HNF4G: variants seen among roughly 807,000 people sequenced by gnomAD.
The protein encoded by HNF4G is hepatocyte nuclear factor 4-gamma.
Under a neutral mutation model 50.9 loss-of-function variants are expected in HNF4G, and 21 were observed. The observed-to-expected ratio is 0.41, with a 90% confidence interval of 0.29 to 0.59. The LOEUF (loss-of-function observed/expected upper bound fraction) is 0.59. HNF4G is among the 20% of genes least tolerant of loss of function. The pLI is 0.26. For synonymous variants in HNF4G, 198 were observed against 185.6 expected (o/e 1.07, Z -0.54); for missense variants, 527 against 559.4 (o/e 0.94, Z 0.58).
At chr8:75,526,960 C>G (rs1317567062) in intron 2 of HNF4G, 2 of 151,806 alleles carry the variant, frequency 1.3e-5, no homozygotes, top group African/African-American at 4.8e-5. Context: ...GTATTTTTAG[C>G]ACAGACGGGG....
At chr8:75,422,153 C>T (rs779435791) in intron 1 of HNF4G, among the ~76,000 whole-genome samples, 76 of 151,834 alleles carry the variant, frequency 5.0e-4, no homozygotes, top group Non-Finnish European at 6.2e-4. Context: ...CTGTGAGGGG[C>T]GGGGAAATAG....
chr8:75,499,324 A>G (rs1024408093), intron 2 of HNF4G, among the ~76,000 whole-genome samples: 4 of 152,104 alleles, frequency 2.6e-5, no homozygotes, highest in Non-Finnish European at 5.9e-5. Flanking sequence ...ATTTAACAAA[A>G]GAGATACAAG....
At chr8:75,515,174 T>C (rs1181224427) in intron 2 of HNF4G, among the ~76,000 whole-genome samples, 1 of 152,222 alleles carries the variant, frequency 6.6e-6, no homozygotes, top group Non-Finnish European at 1.5e-5. Context: ...ACCTGATTGA[T>C]ATTCTCAACT....
intron 1 of HNF4G, among the ~76,000 whole-genome samples, chr8:75,477,105 C>A (rs941693853): frequency 6.6e-5 from 10 of 152,184 alleles, no homozygotes; most frequent in Non-Finnish European, 1.0e-4. Context: ...TAATTGATAA[C>A]ACCTTCAGCA....
intron 9 of HNF4G, among the ~76,000 whole-genome samples, chr8:75,562,418 G>T (rs1807339936): frequency 6.6e-6 from 1 of 152,018 alleles, no homozygotes; most frequent in South Asian, 2.1e-4. Flanking sequence ...ACATTATTTG[G>T]GACCATCCTT....
intron 2 of HNF4G, among the ~76,000 whole-genome samples, chr8:75,491,829 G>C (rs901358115): frequency 1.3e-5 from 2 of 152,178 alleles, no homozygotes; most frequent in Non-Finnish European, 2.9e-5. Context: ...AGAGGACTAA[G>C]GATTAGACCA....
chr8:75,514,298 C>T (rs1805833544), intron 2 of HNF4G, among the ~76,000 whole-genome samples: 1 of 149,092 alleles, frequency 6.7e-6, no homozygotes, highest in African/African-American at 2.5e-5. Flanking sequence ...TTATTTTTTC[C>T]ATCTTTTTGC....
At chr8:75,418,840 G>A (rs1260009553) in intron 1 of HNF4G, among the ~76,000 whole-genome samples, 2 of 147,388 alleles carry the variant, frequency 1.4e-5, no homozygotes, top group African/African-American at 2.5e-5. Context: ...CGATTTTCCT[G>A]CCTCAGCCTC....
chr8:75,414,391 A>C (rs1279495350), intron 1 of HNF4G, among the ~76,000 whole-genome samples: 2 of 152,138 alleles, frequency 1.3e-5, no homozygotes, highest in Admixed American at 1.3e-4. Flanking sequence ...GGTGTTATTG[A>C]CATACCATAA....
At chr8:75,450,225 A>G (rs767205488) in intron 1 of HNF4G, among the ~76,000 whole-genome samples, 18 of 152,330 alleles carry the variant, frequency 1.2e-4, no homozygotes, top group Admixed American at 7.2e-4. Context: ...TTGTGTATGT[A>G]TTCGACATTT....
rs1239692220 is a variant in HNF4G, at chr8:75,558,511, C to G, written c.734-7C>G. The G allele has an allele frequency of 6.2e-7, 1 of 1,604,720 alleles. No individual in the cohort carries two copies. The highest frequency in any genetic ancestry group is 8.5e-7 in the Non-Finnish European group (1 of 1,177,262). On this transcript the variant is annotated splice_polypyrimidine_tract_variant and splice_region_variant and intron_variant, in intron 6 of 9. Transcript: ENST00000396423. ...TGTTTTGTTTTGTTTTGTTTTCTCTCTCATAGGAAACAACTATGTTATTCA... is the reference window on the plus strand; with the variant it reads ...TGTTTTGTTTTGTTTTGTTTTCTCTGTCATAGGAAACAACTATGTTATTCA...
rs2612293 is a variant in HNF4G, at chr8:75,490,088, G to A, written c.-143-1G>A. The A allele has an allele frequency of 6.6e-6, 1 of 152,602 alleles. No homozygotes were observed. Among genetic ancestry groups the A allele is most frequent in the African/African-American group, 2.4e-5 (1 of 41,442 alleles). 9.5% of individuals were successfully genotyped at this position (152,602 alleles called of 1,614,324 possible). A position where few individuals can be genotyped will look rare whatever the true frequency, so the allele number is the denominator to read the frequency against. Reference sequence around the variant, plus strand: ...TATACTTTTGGAAATTGTTTCCACAGGAGCACCAGCGAAAGCAGCCAGTCT... The same window carrying A: ...TATACTTTTGGAAATTGTTTCCACAAGAGCACCAGCGAAAGCAGCCAGTCT... On this transcript the variant is annotated splice_acceptor_variant, in intron 1 of 10. Transcript: ENST00000354370. LOFTEE classifies it low-confidence loss of function (5UTR_SPLICE).
At chr8:75,506,951 T>A (rs886323578) in intron 2 of HNF4G, among the ~76,000 whole-genome samples, 1 of 152,198 alleles carries the variant, frequency 6.6e-6, no homozygotes, top group Non-Finnish European at 1.5e-5. Flanking sequence ...GATATTTATG[T>A]TTTGATGGTT....
At chr8:75,496,252 TA>T (rs1812762542) in intron 2 of HNF4G, among the ~76,000 whole-genome samples, 1 of 152,114 alleles carries the variant, frequency 6.6e-6, no homozygotes, top group South Asian at 2.1e-4. Context: ...AATTGGTTTT[TA>T]AAAAATACTA....
chr8:75,429,162 A>T (rs1810951537), intron 1 of HNF4G, among the ~76,000 whole-genome samples: 1 of 152,138 alleles, frequency 6.6e-6, no homozygotes, highest in Admixed American at 6.5e-5. Context: ...CATCACAGAG[A>T]GAGAATATAG....
rs1408020209 is a variant in HNF4G, at chr8:75,561,825, T to A, written c.1246+1359T>A. Reference sequence around the variant, plus strand: ...TTATGAAAACTCCTTGGAATGCAAATGACCATATAAATACTATAGAGATTG... The same window carrying A: ...TTATGAAAACTCCTTGGAATGCAAAAGACCATATAAATACTATAGAGATTG... On this transcript the variant is annotated intron_variant, in intron 9 of 9. Transcript: ENST00000396423. Among the ~76,000 whole-genome samples the A allele has an allele frequency of 3.3e-5, 5 of 152,318 alleles. No homozygotes were observed. The East Asian group carries it at 9.6e-4, about 29-fold the overall frequency.
At chr8:75,431,108 T>G (rs1383241233) in intron 1 of HNF4G, among the ~76,000 whole-genome samples, 1 of 151,906 alleles carries the variant, frequency 6.6e-6, no homozygotes, top group Non-Finnish European at 1.5e-5. Flanking sequence ...AGAGTAGAAA[T>G]AGCTGAAAAG....
Position 75,471,284 on chromosome 8 carries a change from A to G in HNF4G, c.-143-18805A>G, listed in dbSNP as rs951216916. On this transcript the variant is annotated intron_variant, in intron 1 of 10. Coordinates refer to the HNF4G transcript ENST00000354370. ...ATATCATGAACAGAAAAGCAGGCAT[A>G]TGTAACTGACTCTTGTAGCATAATC... Among the ~76,000 whole-genome samples, 27 of 152,180 alleles carry G rather than the reference A, an allele frequency of 1.8e-4. 1 individual carries two copies. The highest frequency in any genetic ancestry group is 1.3e-3 in the Admixed American group (20 of 15,280).
At chr8:75,480,717 CTTTCTTT>C (rs1554573475) in intron 1 of HNF4G, among the ~76,000 whole-genome samples, 2,232 of 123,848 alleles carry the variant, frequency 0.018, 60 homozygotes, top group African/African-American at 0.071. Context: ...TTTTCTTTTT[CTTTCTTT>C]TTTTTTTTTT....
Sources: allele counts gnomAD v4.1 joint callset (sites outside exome capture counted in the v4.1 genomes callset), GRCh38; gene constraint gnomAD v4.1.1; transcripts MANE v1.5; gene names NCBI Gene and HGNC (gene_info 2026-07-23, HGNC 2026-07-21).